Variants in RAB27A observed in about 807,000 individuals in gnomAD.
RAB27A encodes the protein ras-related protein Rab-27A.
In RAB27A, 17 loss-of-function variants were observed where a neutral mutation model predicts 20.8. The ratio of observed to expected loss-of-function variants is 0.82; its 90% CI spans 0.56 to 1.23. The LOEUF (loss-of-function observed/expected upper bound fraction) is 1.23, where lower values mean the gene tolerates loss of function less well. Among genes scored for constraint, RAB27A ranks in the 50% most tolerant of loss-of-function variants. The pLI is 0.00. For synonymous variants in RAB27A, 85 were observed against 92.8 expected (o/e 0.92, Z 0.48); for missense variants, 277 against 266.7 (o/e 1.04, Z -0.27).
chr15:55,230,826 T>G (rs1280593868), intron 3 of RAB27A, among the ~76,000 whole-genome samples: 1 of 152,162 alleles, frequency 6.6e-6, no homozygotes, highest in East Asian at 1.9e-4. Flanking sequence ...ATCTCATCTT[T>G]TTTGTTTGTT....
Position 55,258,861 on chromosome 15 carries a change from G to T in RAB27A, c.-23+11304C>A, listed in dbSNP as rs116247805. The stretch of plus-strand genomic sequence containing the variant: ...TTTCTTTAAGACAGAGTCTCGCTCC[G>T]TTGCCCAGGCTGGTGTGCAATGGCA... On this transcript the variant is annotated intron_variant, in intron 2 of 6. Coordinates refer to ENST00000336787, the MANE Select transcript of RAB27A (RefSeq NM_183235.3). 2.2e-3 allele frequency among the ~76,000 whole-genome samples: 335 copies of T among 152,140 alleles called. 5 individuals are homozygous for T. The highest frequency in any genetic ancestry group is 7.8e-3 in the African/African-American group (323 of 41,494).
At chr15:55,206,289 A>G in intron 6 of RAB27A, 1 of 749,476 alleles carries the variant, frequency 1.3e-6, no homozygotes, top group Non-Finnish European at 1.6e-6. Context: ...AAAATTTATA[A>G]AAAGATATAA....
At chr15:55,318,393 G>C (rs1356715374) in intron 1 of RAB27A, among the ~76,000 whole-genome samples, 1 of 140,078 alleles carries the variant, frequency 7.1e-6, no homozygotes, top group Non-Finnish European at 1.6e-5. Flanking sequence ...CACCGCGCCC[G>C]GCCTGGTTTT....
At chr15:55,205,731 A>T in intron 6 of RAB27A, 26 bp from the exon 7 acceptor site, 1 of 1,574,512 alleles carries the variant, frequency 6.4e-7, no homozygotes, top group Non-Finnish European at 8.7e-7. Flanking sequence ...AACTGAGGTA[A>T]CAACATGTGG....
chr15:55,282,709 G>T (rs1043970690), intron 1 of RAB27A, among the ~76,000 whole-genome samples: 1 of 152,160 alleles, frequency 6.6e-6, no homozygotes, highest in East Asian at 1.9e-4. Flanking sequence ...TGCTCATGTG[G>T]CTTTCGCTCA....
At chr15:55,266,650 C>G (rs1897497607) in intron 2 of RAB27A, among the ~76,000 whole-genome samples, 1 of 152,152 alleles carries the variant, frequency 6.6e-6, no homozygotes, top group South Asian at 2.1e-4. Flanking sequence ...TCCTTTAAAG[C>G]ACTAACTCAT....
At chr15:55,318,614 T>C (rs560663745) in intron 1 of RAB27A, among the ~76,000 whole-genome samples, 121 of 147,742 alleles carry the variant, frequency 8.2e-4, no homozygotes, top group African/African-American at 2.8e-3. Context: ...GGCAGGAAAA[T>C]CACTGGAACC....
chr15:55,234,916 C>G lies in RAB27A; in HGVS notation c.19G>C (p.Asp7His), dbSNP rs1253221848. The G allele has an allele frequency of 6.2e-7, 1 of 1,612,262 alleles. No homozygotes were observed. The highest frequency in any genetic ancestry group is 8.5e-7 in the Non-Finnish European group (1 of 1,179,240). Residue 7 changes from aspartate to histidine, a missense_variant, in exon 3 of 7, where the codon GAT (aspartate) becomes CAT (histidine). Coordinates refer to ENST00000336787, the MANE Select transcript of RAB27A (RefSeq NM_183235.3). MSDGDY[D>H]YLIKFLALGD... ...AAAGCTAAAAACTTGATGAGGTAATCATAATCTCCATCAGACATAATGAAG... is the reference window on the plus strand; with the variant it reads ...AAAGCTAAAAACTTGATGAGGTAATGATAATCTCCATCAGACATAATGAAG...
At chr15:55,301,038 G>A (rs2054969496) in intron 2 of RAB27A, among the ~76,000 whole-genome samples, 1 of 152,120 alleles carries the variant, frequency 6.6e-6, no homozygotes, top group Non-Finnish European at 1.5e-5. Context: ...ACTGGATACA[G>A]GCCCTAAGTT....
chr15:55,204,705 A>T lies in RAB27A; in HGVS notation c.*802T>A, dbSNP rs920675380. On this transcript the variant is annotated 3_prime_UTR_variant, in exon 7 of 7. Coordinates refer to ENST00000336787, the MANE Select transcript of RAB27A (RefSeq NM_183235.3). ...CTATGTTCAGGTGCGGCCAGCACAT[A>T]GGCCAAGTATAAATGTACAATCACA... 6.6e-6 allele frequency: 1 copy of T among 152,278 alleles called. No individual in the cohort carries two copies. Among genetic ancestry groups the T allele is most frequent in the African/African-American group, 2.4e-5 (1 of 41,464 alleles). 9.4% of individuals were successfully genotyped at this position (152,278 alleles called of 1,614,324 possible).
chr15:55,293,660 G>A (rs1267170516), upstream of RAB27A, among the ~76,000 whole-genome samples: 3 of 152,128 alleles, frequency 2.0e-5, no homozygotes, highest in East Asian at 3.9e-4. Flanking sequence ...GCTCACGCTT[G>A]TAATCCCAGC....
At chr15:55,293,165 G>A (rs8036345), upstream of RAB27A, among the ~76,000 whole-genome samples, 2 of 151,776 alleles carry the variant, frequency 1.3e-5, no homozygotes, top group Non-Finnish European at 2.9e-5. Flanking sequence ...GAATTAAAGT[G>A]GATGGAATCA....
chr15:55,291,370 C>T (rs913948599), upstream of RAB27A, among the ~76,000 whole-genome samples: 2 of 151,950 alleles, frequency 1.3e-5, no homozygotes, highest in Non-Finnish European at 2.9e-5. Context: ...ATTAGCAGGG[C>T]GTCGTGGCAC....
intron 2 of RAB27A, among the ~76,000 whole-genome samples, chr15:55,309,824 G>A (rs895379873): frequency 6.6e-6 from 1 of 152,096 alleles, no homozygotes; most frequent in Non-Finnish European, 1.5e-5. Context: ...TCCTAAAATT[G>A]TAGTATTGCA....
chr15:55,241,930 A>C lies in RAB27A; in HGVS notation c.-22-6974T>G, dbSNP rs73409885. ...ATACTTTTTAAGTGTTTTTTAGGAA[A>C]TAAGATAGAAGAGAGTAGATTTAGT... On this transcript the variant is annotated intron_variant, in intron 2 of 6. Transcript: ENST00000336787. Among the ~76,000 whole-genome samples, 1,268 of 152,268 alleles carry C rather than the reference A, an allele frequency of 8.3e-3. 23 individuals carry two copies. The highest frequency in any genetic ancestry group is 0.029 in the African/African-American group (1,218 of 41,536).
chr15:55,237,836 T>G (rs537538225), intron 2 of RAB27A, among the ~76,000 whole-genome samples: 3 of 152,184 alleles, frequency 2.0e-5, no homozygotes, highest in Non-Finnish European at 4.4e-5. Flanking sequence ...ATAACTATGT[T>G]TTTTACATCA....
intron 2 of RAB27A, among the ~76,000 whole-genome samples, chr15:55,296,084 C>CG (rs2054948115): frequency 6.6e-6 from 1 of 151,056 alleles, no homozygotes; most frequent in African/African-American, 2.4e-5. Context: ...TTAGTAGAGA[C>CG]GGGGTTCCAC....
chr15:55,303,546 G>A (rs78321700), intron 2 of RAB27A, among the ~76,000 whole-genome samples: 589 of 57,062 alleles, frequency 0.01, 1 homozygote, highest in East Asian at 0.036. Flanking sequence ...CAGCCGCCCC[G>A]TCCGGGAGGG....
chr15:55,296,766 G>A (rs111464509), intron 2 of RAB27A, among the ~76,000 whole-genome samples: 17 of 151,966 alleles, frequency 1.1e-4, no homozygotes, highest in African/African-American at 3.6e-4. Context: ...ATTCCCTACC[G>A]CCGGTCCCAT....
Sources: allele counts gnomAD v4.1 joint callset (sites outside exome capture counted in the v4.1 genomes callset), GRCh38; gene constraint gnomAD v4.1.1; transcripts MANE v1.5; gene names NCBI Gene and HGNC (gene_info 2026-07-23, HGNC 2026-07-21).